THSD7B: variants seen among roughly 807,000 people sequenced by gnomAD.
THSD7B encodes the protein thrombospondin type 1 domain containing 7B.
A neutral mutation model predicts 213.6 loss-of-function variants in THSD7B; 138 were observed. That is an observed-to-expected ratio of 0.65 (90% confidence interval 0.56 to 0.74). The LOEUF is 0.74. Among genes scored for constraint, THSD7B ranks in the 30% least tolerant of loss-of-function variants. THSD7B has a pLI of 0.00. For synonymous variants in THSD7B, 742 were observed against 687.0 expected (o/e 1.08, Z -1.25); for missense variants, 1,931 against 1,991.5 (o/e 0.97, Z 0.58).
chr2:137,670,624 T>G (rs1350527846), intron 27 of THSD7B, among the ~76,000 whole-genome samples: 1 of 152,200 alleles, frequency 6.6e-6, no homozygotes, highest in Admixed American at 6.5e-5. Flanking sequence ...TTTCATTATA[T>G]AAAATGCTCA....
intron 12 of THSD7B, among the ~76,000 whole-genome samples, chr2:137,317,930 G>C (rs1684163248): frequency 6.6e-6 from 1 of 152,016 alleles, no homozygotes. Context: ...CTGTCTCTAT[G>C]GGGGAGGGGG....
chr2:136,907,326 AAG>A (rs1383947005), intron 2 of THSD7B, among the ~76,000 whole-genome samples: 5 of 152,190 alleles, frequency 3.3e-5, no homozygotes, highest in South Asian at 2.1e-4. Flanking sequence ...AATGGGCAGA[AAG>A]AGAAATATAA....
intron 15 of THSD7B, among the ~76,000 whole-genome samples, chr2:137,519,582 C>A (rs1680140915): frequency 6.6e-6 from 1 of 152,170 alleles, no homozygotes; most frequent in Non-Finnish European, 1.5e-5. Context: ...CTACTTCAGA[C>A]TGGCAGAATA....
In THSD7B at chr2:137,663,472, GGATAAAAAAGCT is replaced by G. The variant is rs1177500811; in HGVS notation, c.4552_4563del (p.Lys1518_Asp1521del). 6.2e-7 allele frequency: 1 copy of G among 1,600,402 alleles called. No individual in the cohort carries two copies. The highest frequency in any genetic ancestry group is 8.5e-7 in the Non-Finnish European group (1 of 1,172,674). On this transcript the variant is annotated inframe_deletion, in exon 26 of 28. Coordinates refer to ENST00000409968, the MANE Select transcript of THSD7B (RefSeq NM_001316349.2). ...ACTGCATGAAAGTACCAGGCTCAGA[GGATAAAAAAGCT>G]GATGTGAAAAACCTTTCTGGGAAAA... is the stretch of plus-strand genomic sequence containing the variant.
At chr2:137,363,560 C>T (rs966992359) in intron 12 of THSD7B, among the ~76,000 whole-genome samples, 2 of 152,126 alleles carry the variant, frequency 1.3e-5, no homozygotes, top group Non-Finnish European at 2.9e-5. Flanking sequence ...GGGGATATCA[C>T]CACCGATCCC....
At chr2:137,473,891 G>A (rs1415369397) in intron 15 of THSD7B, among the ~76,000 whole-genome samples, 2 of 152,194 alleles carry the variant, frequency 1.3e-5, no homozygotes, top group Non-Finnish European at 2.9e-5. Flanking sequence ...TTTCTTAAAA[G>A]TAGAAGGGTG....
intron 2 of THSD7B, among the ~76,000 whole-genome samples, chr2:136,925,952 G>T (rs1318514649): frequency 6.6e-6 from 1 of 152,112 alleles, no homozygotes; most frequent in Non-Finnish European, 1.5e-5. Context: ...ATTATATGAT[G>T]AAATTCCTCT....
At chr2:137,569,068 T>TAAGAAAGGG (rs1681300950) in intron 16 of THSD7B, among the ~76,000 whole-genome samples, 1 of 151,844 alleles carries the variant, frequency 6.6e-6, no homozygotes, top group East Asian at 1.9e-4. Flanking sequence ...AGAGTGGAGG[T>TAAGAAAGGG]AAGAAAGGGT....
intron 3 of THSD7B, among the ~76,000 whole-genome samples, chr2:137,092,720 C>T (rs561643731): frequency 2.6e-4 from 40 of 152,250 alleles, no homozygotes; most frequent in African/African-American, 9.1e-4. Flanking sequence ...CTATAGCCCC[C>T]TCCTCCCAGG....
chr2:136,819,445 T>G (rs1682535563), intron 1 of THSD7B, among the ~76,000 whole-genome samples: 1 of 152,158 alleles, frequency 6.6e-6, no homozygotes, highest in South Asian at 2.1e-4. Flanking sequence ...ACCCTCCCCC[T>G]TCTTTTTCCC....
chr2:137,419,280 C>T (rs917386254), intron 14 of THSD7B, among the ~76,000 whole-genome samples: 1 of 151,532 alleles, frequency 6.6e-6, no homozygotes, highest in Non-Finnish European at 1.5e-5. Context: ...CCCATCTACT[C>T]AGTCTGCCAG....
intron 1 of THSD7B, among the ~76,000 whole-genome samples, chr2:136,878,802 G>T (rs1403302450): frequency 6.6e-6 from 1 of 152,114 alleles, no homozygotes; most frequent in Non-Finnish European, 1.5e-5. Context: ...GTTCTTTGTA[G>T]ATTCTGGATA....
chr2:137,228,434 T>C (rs920100), intron 7 of THSD7B, among the ~76,000 whole-genome samples: 26,845 of 152,064 alleles, frequency 0.18, 3,120 homozygotes, highest in South Asian at 0.4. Flanking sequence ...GATGGTAAAT[T>C]TGGGTCATGG....
At chr2:137,549,241 C>T (rs1259874034) in intron 15 of THSD7B, among the ~76,000 whole-genome samples, 1 of 151,380 alleles carries the variant, frequency 6.6e-6, no homozygotes, top group Non-Finnish European at 1.5e-5. Flanking sequence ...TTAACCCCAC[C>T]TTATGCCTGT....
chr2:137,151,173 A>G (rs574376469), intron 5 of THSD7B, among the ~76,000 whole-genome samples: 1 of 152,276 alleles, frequency 6.6e-6, no homozygotes, highest in South Asian at 2.1e-4. Flanking sequence ...TAACTTTTGT[A>G]CTTCATAAAC....
At chr2:137,278,597 A>C (rs1220009374) in intron 12 of THSD7B, among the ~76,000 whole-genome samples, 3 of 152,122 alleles carry the variant, frequency 2.0e-5, no homozygotes, top group Admixed American at 1.3e-4. Context: ...CCCAGAAGAG[A>C]GGACATTGGC....
chr2:137,620,478 G>A, intron 19 of THSD7B, 131 bp from the exon 20 acceptor site: 1 of 617,980 alleles, frequency 1.6e-6, no homozygotes. Context: ...ATATAAGAAA[G>A]GATATACTTC....
intron 15 of THSD7B, among the ~76,000 whole-genome samples, chr2:137,504,377 T>A (rs1679785958): frequency 1.3e-5 from 2 of 152,354 alleles, no homozygotes; most frequent in South Asian, 4.1e-4. Context: ...ATCTGTCTAA[T>A]CTAAGACCTA....
intron 1 of THSD7B, among the ~76,000 whole-genome samples, chr2:136,844,796 C>T (rs753698458): frequency 3.3e-5 from 5 of 152,212 alleles, no homozygotes; most frequent in Non-Finnish European, 5.9e-5. Context: ...TTCAGGGCAG[C>T]CCACAGCTGG....
Sources: gnomAD v4.1 joint callset for allele counts (sites outside exome capture counted in the v4.1 genomes callset) on GRCh38, gnomAD v4.1.1 for gene constraint, MANE v1.5 for transcripts, NCBI Gene and HGNC (gene_info 2026-07-23, HGNC 2026-07-21) for gene names.